Variants in KDR observed in about 807,000 individuals in gnomAD.
The protein encoded by KDR is kinase insert domain receptor.
In KDR, 43 loss-of-function variants were observed where a neutral mutation model predicts 160.9. That is an observed-to-expected ratio of 0.27 (90% confidence interval 0.21 to 0.34). The LOEUF is 0.34. KDR is among the 10% of genes least tolerant of loss of function. The pLI is 1.00. For synonymous variants in KDR, 617 were observed against 600.1 expected, an observed-to-expected ratio of 1.03 and a Z score of -0.41; for missense variants, 1,469 against 1,666.4, an observed-to-expected ratio of 0.88 and a Z score of 2.06.
chr4:55,115,625 T>C (rs539548216), intron 3 of KDR, among the ~76,000 whole-genome samples: 14 of 152,192 alleles, frequency 9.2e-5, no homozygotes, highest in Admixed American at 3.3e-4. Flanking sequence ...TGCACATGCA[T>C]GTGTATATAT....
At chr4:55,111,938 C>A (rs1232548641) in intron 7 of KDR, among the ~76,000 whole-genome samples, 1 of 152,158 alleles carries the variant, frequency 6.6e-6, no homozygotes, top group Non-Finnish European at 1.5e-5. Flanking sequence ...GATTACAACT[C>A]TAATAAATAG....
intron 27 of KDR, among the ~76,000 whole-genome samples, chr4:55,087,216 C>T (rs967411948): frequency 6.6e-6 from 1 of 152,232 alleles, no homozygotes; most frequent in Non-Finnish European, 1.5e-5. Context: ...CTCATGCAAG[C>T]ACAGAACTCT....
At chr4:55,094,290 A>G (rs1720093162) in intron 21 of KDR, among the ~76,000 whole-genome samples, 1 of 152,236 alleles carries the variant, frequency 6.6e-6, no homozygotes, top group African/African-American at 2.4e-5. Context: ...ATATTTATCA[A>G]GACTCGCCTG....
At chr4:55,080,205 A>G (rs199507830) in intron 29 of KDR, 42 bp from the exon 30 acceptor site, 4 of 1,586,658 alleles carry the variant, frequency 2.5e-6, no homozygotes, top group African/African-American at 1.3e-5. Context: ...CAGAGAGAAG[A>G]CAATTCTTTT....
intron 27 of KDR, among the ~76,000 whole-genome samples, chr4:55,085,201 G>A (rs901534854): frequency 7.2e-5 from 11 of 152,178 alleles, no homozygotes; most frequent in Non-Finnish European, 1.5e-4. Context: ...CTTGCAGGAA[G>A]CATGCAAACT....
Position 55,094,947 on chromosome 4 carries a change from C to T in KDR, c.2826G>A (p.Gly942=). 6.2e-7 allele frequency: 1 copy of T among 1,613,842 alleles called. No homozygotes were observed. Among genetic ancestry groups the T allele is most frequent in the African/African-American group, 1.3e-5 (1 of 75,004 alleles). The part of the protein sequence containing the change: ...RNEFVPYKTK[G]ARFRQGKDYV... ...AGTCTTTCCCTTGACGGAATCGTGC[C>T]CCTTTGGTCTATAAAAAAGCAAAGG... Residue 942 remains glycine, a synonymous_variant, in exon 21 of 30, where the codon GGG becomes GGA. Coordinates refer to ENST00000263923, the MANE Select transcript of KDR (RefSeq NM_002253.4).
intron 27 of KDR, 104 bp downstream of exon 27, chr4:55,087,503 G>T: frequency 1.0e-6 from 1 of 990,736 alleles, no homozygotes; most frequent in South Asian, 1.5e-5. Flanking sequence ...TGTGGAAGTG[G>T]GATGCAACAG....
chr4:55,102,296 T>C (rs911458597), intron 14 of KDR, 66 bp downstream of exon 14: 4 of 1,544,600 alleles, frequency 2.6e-6, no homozygotes, highest in Non-Finnish European at 3.6e-6. Flanking sequence ...AGAAATAATA[T>C]GGCTTTTTAG....
At chr4:55,082,132 G>T in intron 28 of KDR, 91 bp from the exon 29 acceptor site, 1 of 939,598 alleles carries the variant, frequency 1.1e-6, no homozygotes, top group Non-Finnish European at 1.8e-6. Flanking sequence ...CATCTATCAT[G>T]TCTATCAAAT....
chr4:55,118,873 A>C, intron 2 of KDR, 73 bp from the exon 3 acceptor site: 3 of 1,380,016 alleles, frequency 2.2e-6, no homozygotes, highest in Non-Finnish European at 3.1e-6. Flanking sequence ...AAAAGAGAAA[A>C]TTTGGTTTTG....
At chr4:55,104,620 A>G (rs1171323507) in intron 13 of KDR, 23 bp downstream of exon 13, 2 of 1,596,688 alleles carry the variant, frequency 1.3e-6, no homozygotes, top group Non-Finnish European at 1.7e-6. Context: ...CCTCTGCACA[A>G]TGATCCAGAA....
At chr4:55,124,608 C>T (rs1405500030) in intron 1 of KDR, among the ~76,000 whole-genome samples, 1 of 151,968 alleles carries the variant, frequency 6.6e-6, no homozygotes, top group African/African-American at 2.4e-5. Flanking sequence ...CAGGACAAGT[C>T]CCTATTCCCC....
rs760248367 is a variant in KDR, at chr4:55,101,918, C to T, written c.2245G>A (p.Glu749Lys). The T allele has an allele frequency of 1.2e-5, 19 of 1,613,474 alleles. No homozygotes were observed. The highest frequency in any genetic ancestry group is 3.3e-5 in the Admixed American group (2 of 59,954). Residue 749 changes from glutamate to lysine, a missense_variant, in exon 15 of 30, where the codon GAG becomes AAG. Physicochemically the swap from Glu to Lys is moderately conservative, Grantham distance 56 (BLOSUM62 1). Coordinates refer to ENST00000263923, the MANE Select transcript of KDR (RefSeq NM_002253.4). The stretch of plus-strand genomic sequence containing the variant: ...TGACCTTCTATTATGAAAAATGCCT[C>T]CACTTTTGCACAGCCAAGAACACTG... Reference protein sequence around the residue: ...ACSVLGCAKVEAFFIIEGAQE... With the variant: ...ACSVLGCAKVKAFFIIEGAQE...
intron 13 of KDR, among the ~76,000 whole-genome samples, chr4:55,103,053 G>T (rs1370596676): frequency 6.6e-6 from 1 of 152,180 alleles, no homozygotes; most frequent in Non-Finnish European, 1.5e-5. Flanking sequence ...TAAACCACTT[G>T]TCCATGTCCC....
At position 55,104,651 on chromosome 4, in the gene KDR, G is replaced by A. The variant is rs2110022721; in HGVS notation, c.1979C>T (p.Thr660Ile). ...KKRHCVVRQL[T>I]VLERVAPTIT... is the part of the protein sequence containing the mutation. ...CAGAATTGTCTCCCTACCTAGGACTGTGAGCTGCCTGACCACGCAATGTCT... is the reference window on the plus strand; with the variant it reads ...CAGAATTGTCTCCCTACCTAGGACTATGAGCTGCCTGACCACGCAATGTCT... The change falls in exon 13 of 30, where the codon ACA becomes ATA. Residue 660 changes from threonine (T) to isoleucine (I), a missense_variant. Physicochemically the swap from Thr to Ile is moderately conservative, Grantham distance 89. Coordinates refer to ENST00000263923, the MANE Select transcript of KDR (RefSeq NM_002253.4). The A allele has an allele frequency of 6.2e-7, 1 of 1,613,306 alleles. No individual in the cohort carries two copies. The highest frequency in any genetic ancestry group is 1.1e-5 in the South Asian group (1 of 91,028).
chr4:55,092,676 G>T lies in KDR; in HGVS notation c.3010C>A (p.His1004Asn), dbSNP rs151189348. 1.2e-6 allele frequency: 2 copies of T among 1,613,822 alleles called. No homozygotes were observed. The highest frequency in any genetic ancestry group is 1.7e-6 in the Non-Finnish European group (2 of 1,179,856). ...ACTTGGAAGCTGTAACAGATGAGATGCTCCAAGGTCAGGAAGTCCTTATAC... is the reference window on the plus strand; with the variant it reads ...ACTTGGAAGCTGTAACAGATGAGATTCTCCAAGGTCAGGAAGTCCTTATAC... Reference protein sequence around the residue: ...DLYKDFLTLEHLICYSFQVAK... With the variant: ...DLYKDFLTLENLICYSFQVAK... The change falls in exon 22 of 30, where the codon CAT becomes AAT. Residue 1004 changes from histidine to asparagine, a missense_variant. Physicochemically the swap from His to Asn is moderately conservative, Grantham distance 68. Transcript: ENST00000263923.
rs1719654777 is a variant in KDR, at chr4:55,079,049, A to G, written c.*892T>C. 8.6e-6 allele frequency: 2 copies of G among 233,180 alleles called. No individual in the cohort carries two copies. Among genetic ancestry groups the G allele is most frequent in the African/African-American group, 4.4e-5 (2 of 45,360 alleles). The allele number at this position is 233,180 out of a possible 1,614,324, so 14.4% of individuals were successfully genotyped here. On this transcript the variant is annotated 3_prime_UTR_variant, in exon 30 of 30. Transcript: ENST00000263923. ...TCAGACATATCACATCAGGACAGAT[A>G]TGAGGGTATTCATTCCAGAAGAAAC...
chr4:55,101,750 T>G (rs1210503599), intron 15 of KDR, 147 bp downstream of exon 15: 2 of 693,198 alleles, frequency 2.9e-6, no homozygotes. Flanking sequence ...TGTGTGGCGT[T>G]TGGTTTTCTG....
intron 22 of KDR, among the ~76,000 whole-genome samples, chr4:55,091,730 A>G (rs1244796773): frequency 6.6e-6 from 1 of 152,232 alleles, no homozygotes; most frequent in Admixed American, 6.5e-5. Flanking sequence ...TTCTTTCTTC[A>G]TTAAGCTGCA....
Sources: gnomAD v4.1 joint callset for allele counts (sites outside exome capture counted in the v4.1 genomes callset) on GRCh38, gnomAD v4.1.1 for gene constraint, MANE v1.5 for transcripts, NCBI Gene and HGNC (gene_info 2026-07-23, HGNC 2026-07-21) for gene names.